The following KIAA0825 variants were observed in gnomAD, a reference collection of about 807,000 sequenced individuals.
KIAA0825 encodes the protein KIAA0825.
Under a neutral mutation model 147.6 loss-of-function variants are expected in KIAA0825, and 119 were observed. The observed-to-expected ratio is 0.81, with a 90% CI of 0.69 to 0.94. The LOEUF is 0.94. KIAA0825 is among the 40% of genes least tolerant of loss of function. The pLI, the probability that KIAA0825 is intolerant of heterozygous loss-of-function variation, is 0.00. For synonymous variants in KIAA0825, 470 were observed against 518.1 expected (o/e 0.91, Z 1.26); for missense variants, 1,381 against 1,472.7 (o/e 0.94, Z 1.02).
In KIAA0825 at chr5:94,473,403, C is replaced by G; in HGVS notation, c.1344G>C (p.Gln448His). Residue 448 changes from glutamine (Q) to histidine (H), a missense_variant, in exon 8 of 21, where the codon CAG becomes CAC. Transcript: ENST00000682413. ...AGCTCACAGCTGAAGACCTTTCATT[C>G]TGTTCCTGTTGGAGAATTTTTGTGG... Reference protein sequence around the residue: ...GFSTKILQQEQNERSSAVSYA... With the variant: ...GFSTKILQQEHNERSSAVSYA... 1 of 1,552,076 alleles carries G rather than the reference C, an allele frequency of 6.4e-7. No homozygotes were observed. The highest frequency in any genetic ancestry group is 8.7e-7 in the Non-Finnish European group (1 of 1,147,076).
At chr5:94,429,826 G>A (rs116244687) in intron 14 of KIAA0825, among the ~76,000 whole-genome samples, 14 of 152,256 alleles carry the variant, frequency 9.2e-5, no homozygotes, top group Non-Finnish European at 1.8e-4. Context: ...AAACCACCTC[G>A]GGTCCAAGTT....
intron 1 of KIAA0825, among the ~76,000 whole-genome samples, chr5:94,589,939 G>A (rs1255080972): frequency 2.0e-5 from 3 of 151,740 alleles, no homozygotes; most frequent in Admixed American, 6.6e-5. Flanking sequence ...ATGATCTCTC[G>A]GTTAGGTTAG....
In KIAA0825 at chr5:94,408,907, G is replaced by A. The variant is rs149559564; in HGVS notation, c.2663-5114C>T. 4.0e-3 allele frequency among the ~76,000 whole-genome samples: 609 copies of A among 152,306 alleles called. 6 individuals are homozygous for A. Among genetic ancestry groups the A allele is most frequent in the Middle Eastern group, 0.02 (6 of 294 alleles). ...TTGTGCAAAATAATTATGAATGGCT[G>A]AGATAATTTGGTTACTTAGCATAGC... On this transcript the variant is annotated intron_variant, in intron 15 of 20. Coordinates refer to ENST00000682413, the MANE Select transcript of KIAA0825 (RefSeq NM_001145678.3).
chr5:94,503,412 C>T (rs1384420129), intron 5 of KIAA0825, among the ~76,000 whole-genome samples: 1 of 152,146 alleles, frequency 6.6e-6, no homozygotes, highest in Admixed American at 6.5e-5. Context: ...CAAACAAAAA[C>T]AAACCAGGCT....
At chr5:94,266,104 C>A (rs2150137292) in intron 20 of KIAA0825, among the ~76,000 whole-genome samples, 1 of 152,222 alleles carries the variant, frequency 6.6e-6, no homozygotes, top group African/African-American at 2.4e-5. Flanking sequence ...GATATTTTCC[C>A]TGAAATTAAC....
chr5:94,225,452 A>G (rs958909664), intron 20 of KIAA0825, among the ~76,000 whole-genome samples: 3 of 152,174 alleles, frequency 2.0e-5, no homozygotes, highest in African/African-American at 7.2e-5. Context: ...TGCAAAATTC[A>G]TATGCTGAAG....
chr5:94,422,663 C>T (rs890709456), intron 14 of KIAA0825, among the ~76,000 whole-genome samples: 8 of 152,108 alleles, frequency 5.3e-5, no homozygotes, highest in Admixed American at 3.9e-4. Context: ...TTCCCTCTGC[C>T]TTCTGGACCA....
intron 20 of KIAA0825, among the ~76,000 whole-genome samples, chr5:94,181,387 TA>T (rs1356510683): frequency 6.6e-6 from 1 of 152,190 alleles, no homozygotes; most frequent in Non-Finnish European, 1.5e-5. Context: ...AATGAATATT[TA>T]AAAGCCCCTC....
chr5:94,569,137 T>C (rs116500437), intron 2 of KIAA0825: 2,058 of 181,770 alleles, frequency 0.011, 46 homozygotes, highest in African/African-American at 0.045. Context: ...CACCACCCCA[T>C]CATATTTTTT....
intron 1 of KIAA0825, chr5:94,594,850 AAGTGGCCTGACTCAAATAAAAAAT>A (rs1784982890): frequency 5.7e-6 from 2 of 349,970 alleles, no homozygotes; most frequent in South Asian, 5.4e-5. Flanking sequence ...TATTTTAATT[AAGTGGCCTGACTCAAATAAAAAAT>A]AGTAGATAAA....
At chr5:94,323,165 A>G (rs1780356025) in intron 20 of KIAA0825, among the ~76,000 whole-genome samples, 1 of 152,004 alleles carries the variant, frequency 6.6e-6, no homozygotes. Flanking sequence ...CATCATTAAC[A>G]AAATACTCTT....
chr5:94,264,457 T>G lies in KIAA0825; in HGVS notation c.3711-110333A>C, dbSNP rs568170592. On this transcript the variant is annotated intron_variant, in intron 20 of 20. Coordinates refer to ENST00000682413, the MANE Select transcript of KIAA0825 (RefSeq NM_001145678.3). ...TTTTTCTGCATCGAAGTTAACTTTG[T>G]CAGACTGGCAATTAAAGAACTCTTT... Among the ~76,000 whole-genome samples the G allele has an allele frequency of 9.2e-5, 14 of 152,364 alleles. No individual in the cohort carries two copies. The East Asian group carries it at 2.1e-3, about 23-fold the overall frequency.
rs753856325 is a variant in KIAA0825, at chr5:94,477,152, C to T, written c.1186G>A (p.Glu396Lys). 3.9e-6 allele frequency: 6 copies of T among 1,550,552 alleles called. No individual in the cohort carries two copies. Among genetic ancestry groups the T allele is most frequent in the South Asian group, 1.2e-5 (1 of 83,980 alleles). Residue 396 changes from glutamate (E) to lysine (K), a missense_variant, in exon 7 of 21, where the codon GAA (glutamate) becomes AAA (lysine). Physicochemically the swap from Glu to Lys is moderately conservative, Grantham distance 56 (BLOSUM62 1). Transcript: ENST00000682413. ...EVVMEKPRAN[E>K]TNIPSEQSLP... ...GATTGCTCGGAAGGAATATTGGTTTCGTTTGCTCTAGGTTTTTCCATTACA... is the reference window on the plus strand; with the variant it reads ...GATTGCTCGGAAGGAATATTGGTTTTGTTTGCTCTAGGTTTTTCCATTACA...
intron 3 of KIAA0825, among the ~76,000 whole-genome samples, chr5:94,527,516 A>G (rs1191693597): frequency 6.6e-6 from 1 of 151,992 alleles, no homozygotes; most frequent in Non-Finnish European, 1.5e-5. Flanking sequence ...AAAAATTTTT[A>G]TTTCTTAAAT....
intron 2 of KIAA0825, among the ~76,000 whole-genome samples, chr5:94,564,752 G>C (rs1265322384): frequency 6.6e-6 from 1 of 152,028 alleles, no homozygotes; most frequent in Non-Finnish European, 1.5e-5. Flanking sequence ...TATCCAGTTA[G>C]GTTACTGTTC....
At chr5:94,585,418 C>A (rs1444862362) in intron 1 of KIAA0825, among the ~76,000 whole-genome samples, 1 of 152,062 alleles carries the variant, frequency 6.6e-6, no homozygotes, top group Non-Finnish European at 1.5e-5. Flanking sequence ...GACTTTAAAC[C>A]AACAAAGATC....
chr5:94,292,443 C>G (rs1267379524), intron 20 of KIAA0825, among the ~76,000 whole-genome samples: 2 of 152,112 alleles, frequency 1.3e-5, no homozygotes. Context: ...AGCCTTGCAT[C>G]CCAGGGATGA....
chr5:94,595,151 AGTGGGGACTCT>A (rs1204345508), intron 1 of KIAA0825, among the ~76,000 whole-genome samples: 4 of 152,132 alleles, frequency 2.6e-5, no homozygotes, highest in Admixed American at 1.3e-4. Flanking sequence ...GTAGTCCCCC[AGTGGGGACTCT>A]GTGTGGGGGC....
chr5:94,167,969 A>G (rs995122583), intron 20 of KIAA0825, among the ~76,000 whole-genome samples: 1 of 151,166 alleles, frequency 6.6e-6, no homozygotes, highest in Non-Finnish European at 1.5e-5. Context: ...TTACAAAAAT[A>G]TCTCACAATT....
Sources: allele counts gnomAD v4.1 joint callset (sites outside exome capture counted in the v4.1 genomes callset), GRCh38; gene constraint gnomAD v4.1.1; transcripts MANE v1.5; gene names NCBI Gene and HGNC (gene_info 2026-07-23, HGNC 2026-07-21).